NRXN1: variants seen among roughly 807,000 people sequenced by gnomAD.
The protein encoded by NRXN1 is neurexin-1.
A neutral mutation model predicts 150.9 loss-of-function variants in NRXN1; 39 were observed. The ratio of observed to expected loss-of-function variants is 0.26; its 90% CI spans 0.20 to 0.34. The LOEUF (loss-of-function observed/expected upper bound fraction) is 0.34. Ranked by LOEUF, NRXN1 falls within the 10% of genes least tolerant of loss-of-function variation. The pLI, the probability that NRXN1 is intolerant of heterozygous loss-of-function variation, is 1.00. For synonymous variants in NRXN1, 924 were observed against 757.0 expected (o/e 1.22, Z -3.62); for missense variants, 1,815 against 1,949.9 (o/e 0.93, Z 1.30).
At chr2:49,960,885 C>T (rs544502073) in intron 21 of NRXN1, among the ~76,000 whole-genome samples, 18 of 152,226 alleles carry the variant, frequency 1.2e-4, no homozygotes, top group African/African-American at 4.3e-4. Flanking sequence ...GCATTCTTTT[C>T]CCCATAAATG....
intron 5 of NRXN1, among the ~76,000 whole-genome samples, chr2:50,643,330 G>C (rs536831810): frequency 3.9e-5 from 6 of 151,970 alleles, no homozygotes; most frequent in African/African-American, 9.6e-5. Context: ...TTTACTCAGA[G>C]GTTAATGAGT....
intron 18 of NRXN1, among the ~76,000 whole-genome samples, chr2:50,112,205 T>C (rs1219273189): frequency 1.3e-5 from 2 of 152,186 alleles, no homozygotes; most frequent in East Asian, 3.9e-4. Flanking sequence ...TGTGTTGCCT[T>C]TGCTTAAACC....
intron 8 of NRXN1, among the ~76,000 whole-genome samples, chr2:50,565,464 G>C (rs1669699304): frequency 6.6e-6 from 1 of 152,084 alleles, no homozygotes; most frequent in East Asian, 1.9e-4. Context: ...AGATGGCTAT[G>C]TTTTTTAAAT....
At chr2:50,908,628 A>T (rs529855625) in intron 5 of NRXN1, among the ~76,000 whole-genome samples, 60 of 151,042 alleles carry the variant, frequency 4.0e-4, no homozygotes, top group African/African-American at 1.4e-3. Context: ...CCAAAAAATA[A>T]AATATGGAAG....
At chr2:50,750,051 C>A (rs189316081) in intron 5 of NRXN1, among the ~76,000 whole-genome samples, 5 of 152,148 alleles carry the variant, frequency 3.3e-5, no homozygotes, top group African/African-American at 1.2e-4. Flanking sequence ...TGTCAAGATG[C>A]AGAAGTAAGA....
intron 8 of NRXN1, among the ~76,000 whole-genome samples, chr2:50,604,769 T>G (rs1376803735): frequency 6.6e-6 from 1 of 152,206 alleles, no homozygotes; most frequent in East Asian, 1.9e-4. Context: ...TAGAACCTGT[T>G]TCATTTGAAT....
chr2:50,064,303 A>G (rs1695011894), intron 19 of NRXN1, among the ~76,000 whole-genome samples: 1 of 152,012 alleles, frequency 6.6e-6, no homozygotes, highest in Admixed American at 6.6e-5. Flanking sequence ...TTGCCATTGT[A>G]GTACACAATA....
chr2:50,331,631 G>T (rs1163473540), intron 17 of NRXN1, among the ~76,000 whole-genome samples: 1 of 152,108 alleles, frequency 6.6e-6, no homozygotes, highest in East Asian at 1.9e-4. Context: ...TAGTATCCTT[G>T]TTAGCAGTAT....
At chr2:50,931,803 G>C (rs547402626) in intron 2 of NRXN1, among the ~76,000 whole-genome samples, 5 of 151,964 alleles carry the variant, frequency 3.3e-5, no homozygotes, top group Non-Finnish European at 7.4e-5. Context: ...GCCATTCTTA[G>C]CTAAATAAAT....
chr2:50,754,476 C>T (rs1032633452), intron 5 of NRXN1, among the ~76,000 whole-genome samples: 4 of 151,662 alleles, frequency 2.6e-5, no homozygotes, highest in African/African-American at 9.7e-5. Context: ...CAAAATATTA[C>T]GGAATGTAAA....
At chr2:49,973,158 T>A (rs1458308251) in intron 21 of NRXN1, 1 of 152,206 alleles carries the variant, frequency 6.6e-6, no homozygotes, top group Non-Finnish European at 1.5e-5. Context: ...AGAATCCTCC[T>A]CTAGGATATA....
chr2:50,112,467 A>G (rs955818612), intron 18 of NRXN1, among the ~76,000 whole-genome samples: 2 of 152,256 alleles, frequency 1.3e-5, no homozygotes, highest in African/African-American at 4.8e-5. Context: ...AAGTCTGCTT[A>G]TTCCGACTTT....
At chr2:50,232,040 C>A (rs2064989320) in intron 18 of NRXN1, among the ~76,000 whole-genome samples, 1 of 151,996 alleles carries the variant, frequency 6.6e-6, no homozygotes, top group Non-Finnish European at 1.5e-5. Flanking sequence ...TGTTAACTGT[C>A]CACACAAATA....
intron 5 of NRXN1, among the ~76,000 whole-genome samples, chr2:50,775,785 C>G (rs1436001540): frequency 6.6e-6 from 1 of 152,084 alleles, no homozygotes; most frequent in African/African-American, 2.4e-5. Context: ...GTACTTTTGT[C>G]TTAACATTTT....
In NRXN1 at chr2:50,702,670, C is replaced by A. The variant is rs77681298; in HGVS notation, c.833-79055G>T. ...TCTTAGCCAAAGAAATCATACATTG[C>A]TGTACTTACATTGTATGATTATTTG... On this transcript the variant is annotated intron_variant, in intron 5 of 22. Transcript: ENST00000401669. 6.8e-3 allele frequency among the ~76,000 whole-genome samples: 1,028 copies of A among 152,142 alleles called. 8 individuals are homozygous for A. The highest frequency in any genetic ancestry group is 0.023 in the African/African-American group (976 of 41,542).
At chr2:50,487,955 C>G (rs919448477) in intron 15 of NRXN1, among the ~76,000 whole-genome samples, 3 of 152,136 alleles carry the variant, frequency 2.0e-5, no homozygotes, top group Admixed American at 6.5e-5. Flanking sequence ...CTCATGTACT[C>G]CCTATGTATA....
chr2:50,158,075 GTGTGTGTGTGTGTGTGTGTGTGT>G (rs2059135270), intron 18 of NRXN1, among the ~76,000 whole-genome samples: 1 of 111,560 alleles, frequency 9.0e-6, no homozygotes. Context: ...GTGTGTGTGT[GTGTGTGTGTGTGTGTGTGTGTGT>G]GTGTGTGTGT....
At chr2:50,440,823 G>T (rs1415967489) in intron 17 of NRXN1, among the ~76,000 whole-genome samples, 1 of 151,980 alleles carries the variant, frequency 6.6e-6, no homozygotes, top group Admixed American at 6.6e-5. Context: ...TTATGTTTAA[G>T]TTCATACCCT....
At chr2:49,945,584 G>A (rs944426278) in intron 21 of NRXN1, among the ~76,000 whole-genome samples, 4 of 151,966 alleles carry the variant, frequency 2.6e-5, no homozygotes, top group Admixed American at 6.6e-5. Context: ...TCCCCTGCCT[G>A]TGTCCATGTG....
Sources: gnomAD v4.1 joint callset for allele counts (sites outside exome capture counted in the v4.1 genomes callset) on GRCh38, gnomAD v4.1.1 for gene constraint, MANE v1.5 for transcripts, NCBI Gene and HGNC (gene_info 2026-07-23, HGNC 2026-07-21) for gene names.